Variants in FBXW10B observed in about 807,000 individuals in gnomAD.
FBXW10B encodes the protein F-box and WD repeat domain containing 10B.
the FBXW10B span, among the ~76,000 whole-genome samples, chr17:15,586,752 G>T: frequency 3.3e-5 from 5 of 151,610 alleles, no homozygotes; most frequent in East Asian, 9.6e-4. Flanking sequence ...AGCAAGAGGG[G>T]TATTACCTTG....
chr17:15,599,963 T>A, the FBXW10B span, among the ~76,000 whole-genome samples: 1 of 151,940 alleles, frequency 6.6e-6, no homozygotes, highest in African/African-American at 2.4e-5. Context: ...ACACCTGTAA[T>A]CCCAGCACTT....
the FBXW10B span, chr17:15,589,385 A>G: frequency 3.5e-5 from 13 of 369,980 alleles, no homozygotes; most frequent in Non-Finnish European, 4.9e-5. Context: ...AGCTATGATG[A>G]AAATCACAAA....
At chr17:15,608,385 C>T in the FBXW10B span, among the ~76,000 whole-genome samples, 1 of 151,596 alleles carries the variant, frequency 6.6e-6, no homozygotes, top group Non-Finnish European at 1.5e-5. Flanking sequence ...TGGTCTCGAT[C>T]TCTTGACCTT....
chr17:15,598,662 A>T, the FBXW10B span: 2 of 1,609,436 alleles, frequency 1.2e-6, no homozygotes, highest in Non-Finnish European at 1.7e-6. Context: ...ATCTGCAGGA[A>T]TCAGGCCAAA....
chr17:15,590,489 G>GCCTGGGCTTGGCATC, the FBXW10B span, among the ~76,000 whole-genome samples: 1 of 147,056 alleles, frequency 6.8e-6, no homozygotes, highest in African/African-American at 2.6e-5. Context: ...AGGGTTTAAA[G>GCCTGGGCTTGGCATC]CCTGGGCTTG....
chr17:15,590,617 C>T, the FBXW10B span, among the ~76,000 whole-genome samples: 2 of 149,706 alleles, frequency 1.3e-5, no homozygotes, highest in Non-Finnish European at 3.0e-5. Context: ...TCCTTAGTTC[C>T]ACCTGGAGCT....
At chr17:15,591,760 C>G in the FBXW10B span, among the ~76,000 whole-genome samples, 54 of 152,280 alleles carry the variant, frequency 3.5e-4, no homozygotes, top group East Asian at 1.2e-3. Context: ...TTGCTGCTGG[C>G]AATGAGGAAA....
chr17:15,585,413 A>G, the FBXW10B span, among the ~76,000 whole-genome samples: 1 of 152,226 alleles, frequency 6.6e-6, no homozygotes, highest in Non-Finnish European at 1.5e-5. Flanking sequence ...GATACCAGCC[A>G]TTTAGTCTAT....
chr17:15,579,179 G>T, the FBXW10B span, among the ~76,000 whole-genome samples: 1 of 146,542 alleles, frequency 6.8e-6, no homozygotes, highest in East Asian at 2.0e-4. Context: ...ATAAAAAGGT[G>T]TCTGTGTGTG....
the FBXW10B span, among the ~76,000 whole-genome samples, chr17:15,599,740 T>C: frequency 1.8e-4 from 28 of 152,058 alleles, no homozygotes; most frequent in South Asian, 5.4e-3. Context: ...TCAACTGCCA[T>C]TGATGCTTCC....
the FBXW10B span, chr17:15,568,765 T>G: frequency 5.3e-6 from 4 of 760,844 alleles, no homozygotes; most frequent in Non-Finnish European, 5.4e-6. Flanking sequence ...CCTTAATTTA[T>G]GTTCCAAAGT....
chr17:15,569,598 T>C, the FBXW10B span, among the ~76,000 whole-genome samples: 7 of 151,384 alleles, frequency 4.6e-5, no homozygotes, highest in African/African-American at 1.7e-4. Context: ...TAGCTGGAAT[T>C]ACAGGTGCCA....
chr17:15,587,088 C>T, the FBXW10B span, among the ~76,000 whole-genome samples: 1 of 151,594 alleles, frequency 6.6e-6, no homozygotes, highest in African/African-American at 2.4e-5. Context: ...AGCACCCGCA[C>T]TGTTAAACCA....
the FBXW10B span, chr17:15,595,017 G>T: frequency 4.3e-6 from 6 of 1,381,292 alleles, no homozygotes; most frequent in Non-Finnish European, 5.9e-6. Context: ...CACTCGGTAG[G>T]TACCTGAGCT....
chr17:15,602,553 A>G, the FBXW10B span, among the ~76,000 whole-genome samples: 178 of 140,304 alleles, frequency 1.3e-3, no homozygotes, highest in African/African-American at 4.7e-3. Context: ...AGAAATGAGG[A>G]AAAAAAAAAC....
At chr17:15,582,784 A>G in the FBXW10B span, among the ~76,000 whole-genome samples, 1 of 152,130 alleles carries the variant, frequency 6.6e-6, no homozygotes, top group Non-Finnish European at 1.5e-5. Flanking sequence ...GATCACCCTC[A>G]TGTCATTAGA....
At chr17:15,565,802 A>G in the FBXW10B span, 3 of 1,613,906 alleles carry the variant, frequency 1.9e-6, no homozygotes, top group South Asian at 3.3e-5. Flanking sequence ...TTCTTAAGAG[A>G]CAGGGTGGCT....
chr17:15,576,684 A>G, the FBXW10B span, among the ~76,000 whole-genome samples: 2 of 152,090 alleles, frequency 1.3e-5, no homozygotes, highest in African/African-American at 4.8e-5. Flanking sequence ...AATGGATCAG[A>G]TGAGAGTGAT....
the FBXW10B span, among the ~76,000 whole-genome samples, chr17:15,581,121 T>G: frequency 6.6e-6 from 1 of 152,090 alleles, no homozygotes; most frequent in African/African-American, 2.4e-5. Flanking sequence ...CCCTTTCAGT[T>G]GAGGAAACCA....
Sources: gnomAD v4.1 joint callset for allele counts (sites outside exome capture counted in the v4.1 genomes callset) on GRCh38, gnomAD v4.1.1 for gene constraint, MANE v1.5 for transcripts, NCBI Gene and HGNC (gene_info 2026-07-23, HGNC 2026-07-21) for gene names.